The following SUN2 variants were observed in gnomAD, a reference collection of about 807,000 sequenced individuals.
SUN2 encodes the protein Sad1 and UNC84 domain containing 2.
SUN2 carries 60 observed loss-of-function variants against 100.0 expected under a neutral mutation model. The ratio of observed to expected loss-of-function variants is 0.60; its 90% CI spans 0.49 to 0.74. SUN2 has a LOEUF of 0.74. Ranked by LOEUF, SUN2 falls within the 30% of genes least tolerant of loss-of-function variation. The pLI is 0.00. For missense variants in SUN2, 834 were observed against 954.6 expected, an observed-to-expected ratio of 0.87 and a Z score of 1.66; for synonymous variants, 367 against 403.3, an observed-to-expected ratio of 0.91 and a Z score of 1.08.
chr22:38,735,290 C>G lies in SUN2; in HGVS notation c.*977G>C, dbSNP rs750804504. On this transcript the variant is annotated 3_prime_UTR_variant, in exon 18 of 18. Transcript: ENST00000689035. Reference sequence around the variant, plus strand: ...AGCCCAAGGGGGCAGCCTGAGCGGACGACCCCTACATCAGGGCCTGGTTAG... The same window carrying G: ...AGCCCAAGGGGGCAGCCTGAGCGGAGGACCCCTACATCAGGGCCTGGTTAG... The G allele has an allele frequency of 1.5e-5, 7 of 453,526 alleles. No individual in the cohort carries two copies. The highest frequency in any genetic ancestry group is 8.0e-5 in the African/African-American group (4 of 49,804). 28.1% of individuals were successfully genotyped at this position (453,526 alleles called of 1,614,324 possible).
rs373252920 is a variant in SUN2 at position 38,738,579 on chromosome 22, A to T, written c.1947+8T>A. ...CCCCTCTGGCCCCACCACAGGACAGATACTCACAAAGATGGCGAAGTCCTT... is the reference window on the plus strand; with the variant it reads ...CCCCTCTGGCCCCACCACAGGACAGTTACTCACAAAGATGGCGAAGTCCTT... On this transcript the variant is annotated splice_region_variant and intron_variant, in intron 16 of 17. Transcript: ENST00000689035. The surrounding 1 kb of genome is among the most constrained non-coding windows in gnomAD (Gnocchi z 6.6). 1 of 1,611,376 alleles carries T rather than the reference A, an allele frequency of 6.2e-7. No individual in the cohort carries two copies. The highest frequency in any genetic ancestry group is 1.7e-5 in the Admixed American group (1 of 59,988).
rs1412719331 is a variant in SUN2, at chr22:38,755,915, G to C, written c.-190C>G. ...CGGGGCGCGCGGGCACGCGAAGAGC[G>C]GCGACGCGGGACAAGGCGGGCGGGC... On this transcript the variant is annotated 5_prime_UTR_variant, in exon 1 of 18. Coordinates refer to ENST00000689035, the MANE Select transcript of SUN2 (RefSeq NM_015374.3). The surrounding 1 kb of genome is among the most constrained non-coding windows in gnomAD (Gnocchi z 5.7). 1.0e-6 allele frequency: 1 copy of C among 982,700 alleles called. No homozygotes were observed. The highest frequency in any genetic ancestry group is 1.2e-6 in the Non-Finnish European group (1 of 828,966). 60.9% of individuals were successfully genotyped at this position (982,700 alleles called of 1,614,324 possible). A position where few individuals can be genotyped will look rare whatever the true frequency, so the allele number is the denominator to read the frequency against.
intron 4 of SUN2, 95 bp downstream of exon 4, chr22:38,750,803 T>G: frequency 6.4e-7 from 1 of 1,552,312 alleles, no homozygotes; most frequent in East Asian, 2.4e-5. Context: ...TGCCACATGC[T>G]GCCCTCTCTC....
intron 2 of SUN2, among the ~76,000 whole-genome samples, chr22:38,751,882 G>T (rs548455042): frequency 4.6e-5 from 7 of 152,206 alleles, no homozygotes; most frequent in Non-Finnish European, 7.3e-5. Context: ...GAGCAGGGGG[G>T]GTTCCTGTGA....
intron 7 of SUN2, among the ~76,000 whole-genome samples, chr22:38,748,083 A>G (rs1339869245): frequency 6.6e-6 from 1 of 152,218 alleles, no homozygotes; most frequent in East Asian, 1.9e-4. Context: ...TGGGAGGCCG[A>G]GGCAGCTGGA....
Position 38,751,023 on chromosome 22 carries a change from C to T in SUN2, c.299G>A (p.Arg100Gln), listed in dbSNP as rs781189308. Residue 100 changes from arginine to glutamine, a missense_variant, in exon 4 of 18, where the codon CGG becomes CAG. This residue lies in a region of SUN2 where 559 missense variants were observed against 597.7 expected (regional missense o/e 0.94). Transcript: ENST00000689035. Reference protein sequence around the residue: ...HGDANWGEDLRVRRRRGTGGS... With the variant: ...HGDANWGEDLQVRRRRGTGGS... ...ACCCGTGCCTCTCCTCCTCCGCACC[C>T]GCAGGTCCTCACCTGTGCAGGGAAG... is the stretch of plus-strand genomic sequence containing the variant. The T allele has an allele frequency of 1.4e-5, 22 of 1,613,040 alleles. No homozygotes were observed. The highest frequency in any genetic ancestry group is 1.3e-4 in the African/African-American group (10 of 74,926).
In SUN2 at chr22:38,740,982, G is replaced by A. The variant is rs374226808; in HGVS notation, c.1190+25C>T. 85 of 1,580,658 alleles carry A rather than the reference G, an allele frequency of 5.4e-5. No homozygotes were observed. Among genetic ancestry groups the A allele is most frequent in the Admixed American group, 2.3e-4 (13 of 55,628 alleles). ...GGGTGGGGCTGGGGAGGAGCAGGCC[G>A]AGGCCAGCTGGTGGCGCCCAGTACC... is the stretch of plus-strand genomic sequence containing the variant. On this transcript the variant is annotated intron_variant, in intron 11 of 17. Transcript: ENST00000689035. The surrounding 1 kb of genome is among the most constrained non-coding windows in gnomAD (Gnocchi z 4.8).
chr22:38,747,057 C>T (rs2092909566), intron 7 of SUN2, among the ~76,000 whole-genome samples: 1 of 151,828 alleles, frequency 6.6e-6, no homozygotes, highest in South Asian at 2.1e-4. Context: ...ACTGACTGGG[C>T]GTGGTGGCTC....
At chr22:38,736,648 G>T (rs1335704149) in intron 17 of SUN2, 1 of 306,868 alleles carries the variant, frequency 3.3e-6, no homozygotes, top group African/African-American at 2.1e-5. Flanking sequence ...GTGATCAACA[G>T]ATAGAACCAC....
At position 38,752,713 on chromosome 22, in the gene SUN2, C is replaced by T. The variant is rs2092956179; in HGVS notation, c.-37-48G>A. On this transcript the variant is annotated intron_variant, in intron 1 of 17. Coordinates refer to ENST00000689035, the MANE Select transcript of SUN2 (RefSeq NM_015374.3). ...CTGGATGTGAGGCCTGGGGCTGTCCCCAGCTCCTCTCTAGAGGAGGTGGGA... is the reference window on the plus strand; with the variant it reads ...CTGGATGTGAGGCCTGGGGCTGTCCTCAGCTCCTCTCTAGAGGAGGTGGGA... 1.9e-6 allele frequency: 3 copies of T among 1,553,906 alleles called. No homozygotes were observed. In the Admixed American group the frequency reaches 5.6e-5, roughly 29 times the overall value.
chr22:38,751,574 G>A (rs2092946317), intron 2 of SUN2: 2 of 584,246 alleles, frequency 3.4e-6, no homozygotes, highest in East Asian at 5.9e-5. Context: ...ACCAGCAGAT[G>A]GGCAAGACGG....
At position 38,737,923 on chromosome 22, in the gene SUN2, A is replaced by G; in HGVS notation, c.2040+250T>C. 1.5e-6 allele frequency: 1 copy of G among 672,654 alleles called. No individual in the cohort carries two copies. 41.7% of individuals were successfully genotyped at this position (672,654 alleles called of 1,614,324 possible). ...CTGGCCACCCAACCCCTCTTGTGTA[A>G]AGCCCACCTCCTGGTGTCCTTTTCC... is the stretch of plus-strand genomic sequence containing the variant. On this transcript the variant is annotated intron_variant, in intron 17 of 17. Transcript: ENST00000689035. This position sits in a 1 kb window ranked among gnomAD's most constrained non-coding sequence, Gnocchi z 4.1.
In SUN2 at chr22:38,740,104, G is replaced by C. The variant is rs2092841739; in HGVS notation, c.1357-161C>G. On this transcript the variant is annotated intron_variant, in intron 12 of 17. Coordinates refer to ENST00000689035, the MANE Select transcript of SUN2 (RefSeq NM_015374.3). This position sits in a 1 kb window ranked among gnomAD's most constrained non-coding sequence, Gnocchi z 4.8. ...CCATGGGCACTAACAAAAACAGGAAGAACGCCTGTCAGTGAGAGCCCACAT... is the reference window on the plus strand; with the variant it reads ...CCATGGGCACTAACAAAAACAGGAACAACGCCTGTCAGTGAGAGCCCACAT... 6.6e-6 allele frequency among the ~76,000 whole-genome samples: 1 copy of C among 152,224 alleles called. No individual in the cohort carries two copies. The highest frequency in any genetic ancestry group is 2.4e-5 in the African/African-American group (1 of 41,470).
chr22:38,751,382 C>T lies in SUN2; in HGVS notation c.123-9G>A. The T allele has an allele frequency of 6.2e-7, 1 of 1,613,102 alleles. No individual in the cohort carries two copies. Among genetic ancestry groups the T allele is most frequent in the East Asian group, 2.2e-5 (1 of 44,884 alleles). On this transcript the variant is annotated splice_polypyrimidine_tract_variant and intron_variant, in intron 2 of 17. Transcript: ENST00000689035. ...ATTTCCTCTTCAAGGTCCTGTGGGA[C>T]AACCATGAGGGCAGAGGTAGGGAGC... is the stretch of plus-strand genomic sequence containing the variant.
intron 1 of SUN2, chr22:38,754,676 T>C (rs2146115211): frequency 1.6e-6 from 2 of 1,277,340 alleles, no homozygotes. Flanking sequence ...GGGACTCCTC[T>C]TAGCCTCTGT....
rs757655044 is a variant in SUN2, at chr22:38,752,551, C to A, written c.78G>T (p.Ser26=). 16 of 1,613,846 alleles carry A rather than the reference C, an allele frequency of 9.9e-6. No homozygotes were observed. The highest frequency in any genetic ancestry group is 1.4e-5 in the Non-Finnish European group (16 of 1,179,926). ...DDGSSSSGGS[S]VAGSQSTLFK... is the part of the protein sequence containing the mutation. Reference sequence around the variant, plus strand: ...ACAGGGTGCTCTGACTCCCAGCCACCGAGCTCCCTCCGCTGCTGCTGCTGC... The same window carrying A: ...ACAGGGTGCTCTGACTCCCAGCCACAGAGCTCCCTCCGCTGCTGCTGCTGC... The change falls in exon 2 of 18, where the codon TCG becomes TCT. Residue 26 remains serine (S), a synonymous_variant. Coordinates refer to ENST00000689035, the MANE Select transcript of SUN2 (RefSeq NM_015374.3).
intron 1 of SUN2, among the ~76,000 whole-genome samples, chr22:38,754,279 G>A (rs2092969187): frequency 6.6e-6 from 1 of 152,200 alleles, no homozygotes; most frequent in South Asian, 2.1e-4. Flanking sequence ...GGAATTCCTA[G>A]CACTTGCTTG....
chr22:38,745,553 G>T, intron 8 of SUN2, 131 bp downstream of exon 8: 1 of 1,228,108 alleles, frequency 8.1e-7, no homozygotes, highest in Non-Finnish European at 1.1e-6. Flanking sequence ...TCTGTGCCTT[G>T]TAAGATGGCA....
rs1004788441 is a variant in SUN2, at chr22:38,751,024, G to C, written c.298C>G (p.Arg100Gly). Reference protein sequence around the residue: ...HGDANWGEDLRVRRRRGTGGS... With the variant: ...HGDANWGEDLGVRRRRGTGGS... ...CCCGTGCCTCTCCTCCTCCGCACCC[G>C]CAGGTCCTCACCTGTGCAGGGAAGA... The change falls in exon 4 of 18, where the codon CGG becomes GGG. Residue 100 changes from arginine to glycine, a missense_variant. By Grantham distance (125) the Arg-to-Gly change is moderately radical. Coordinates refer to ENST00000689035, the MANE Select transcript of SUN2 (RefSeq NM_015374.3). The C allele has an allele frequency of 2.5e-6, 4 of 1,612,932 alleles. No homozygotes were observed. The highest frequency in any genetic ancestry group is 3.4e-6 in the Non-Finnish European group (4 of 1,179,582).
Sources: allele counts gnomAD v4.1 joint callset (sites outside exome capture counted in the v4.1 genomes callset), GRCh38; gene constraint gnomAD v4.1.1; regional missense constraint gnomAD v4.1.1; non-coding constraint Gnocchi (gnomAD v3.1); transcripts MANE v1.5; gene names NCBI Gene and HGNC (gene_info 2026-07-23, HGNC 2026-07-21).